ABCA9: variants seen among roughly 807,000 people sequenced by gnomAD.
ABCA9 encodes ATP binding cassette subfamily A member 9.
A neutral mutation model predicts 205.3 loss-of-function variants in ABCA9; 183 were observed. The observed-to-expected ratio is 0.89, with a 90% CI of 0.79 to 1.01. The LOEUF (loss-of-function observed/expected upper bound fraction) is 1.01, where lower values mean the gene tolerates loss of function less well. ABCA9 is among the 50% of genes least tolerant of loss of function. The pLI, the probability that ABCA9 is intolerant of heterozygous loss-of-function variation, is 0.00. For missense variants in ABCA9, 1,805 were observed against 1,912.4 expected, an observed-to-expected ratio of 0.94 and a Z score of 1.05; for synonymous variants, 651 against 683.3, an observed-to-expected ratio of 0.95 and a Z score of 0.74.
chr17:68,998,832 C>CTT lies in ABCA9; in HGVS notation c.3436-2820_3436-2819dup, dbSNP rs139808117. On this transcript the variant is annotated intron_variant, in intron 25 of 38. Transcript: ENST00000340001. ...GTGTGTTTATGTGGATCTAAAATTT[C>CTT]TTTTTTTTTTGTATTCAAGATGTTT... is the stretch of plus-strand genomic sequence containing the variant. Among the ~76,000 whole-genome samples, 594 of 145,524 alleles carry CTT rather than the reference C, an allele frequency of 4.1e-3. 4 individuals carry two copies. The highest frequency in any genetic ancestry group is 0.014 in the African/African-American group (571 of 40,176).
chr17:68,989,535 C>T (rs2069376203), intron 30 of ABCA9, among the ~76,000 whole-genome samples: 1 of 152,166 alleles, frequency 6.6e-6, no homozygotes, highest in Admixed American at 6.5e-5. Context: ...GCTGCAATAA[C>T]ATTGTTACCT....
chr17:68,982,313 T>A (rs1276783919), intron 37 of ABCA9, among the ~76,000 whole-genome samples: 2 of 152,138 alleles, frequency 1.3e-5, no homozygotes, highest in Non-Finnish European at 2.9e-5. Context: ...GTAGTTAGCA[T>A]CATCCCTGGC....
intron 3 of ABCA9, among the ~76,000 whole-genome samples, chr17:69,046,717 T>C (rs2071715494): frequency 6.6e-6 from 1 of 151,406 alleles, no homozygotes; most frequent in South Asian, 2.1e-4. Context: ...TATCACACAC[T>C]CAAGACAAGA....
chr17:68,986,368 C>T lies in ABCA9; in HGVS notation c.4048-44G>A, dbSNP rs751385244. 1.9e-5 allele frequency: 30 copies of T among 1,559,104 alleles called. No individual in the cohort carries two copies. The South Asian group carries it at 2.4e-4, about 13-fold the overall frequency. On this transcript the variant is annotated intron_variant, in intron 31 of 38. Coordinates refer to ENST00000340001, the MANE Select transcript of ABCA9 (RefSeq NM_080283.4). ...TTCTTAGATTCTATCCCAAATGTCA[C>T]GTATATGTATATGCATGTAAGCCGT...
chr17:69,070,721 C>T, the ABCA9 span, among the ~76,000 whole-genome samples: 1 of 152,172 alleles, frequency 6.6e-6, no homozygotes. Flanking sequence ...CCAGTGGCAC[C>T]TGGAACGCCA....
At chr17:68,988,435 T>G (rs1243302217) in intron 31 of ABCA9, among the ~76,000 whole-genome samples, 1 of 152,206 alleles carries the variant, frequency 6.6e-6, no homozygotes, top group African/African-American at 2.4e-5. Flanking sequence ...AGAATTTCAG[T>G]GTATCTGCAA....
At chr17:69,077,622 A>G in the ABCA9 span, among the ~76,000 whole-genome samples, 1 of 152,178 alleles carries the variant, frequency 6.6e-6, no homozygotes, top group Non-Finnish European at 1.5e-5. Context: ...TCCTACTACC[A>G]TTGTTTGGCT....
chr17:69,055,798 G>T (rs554149163), intron 1 of ABCA9, among the ~76,000 whole-genome samples: 119 of 151,972 alleles, frequency 7.8e-4, no homozygotes, highest in Non-Finnish European at 1.7e-3. Flanking sequence ...TAAAGGAATA[G>T]AAATCATACA....
In ABCA9 at chr17:69,027,892, C is replaced by T. The variant is rs1191482967; in HGVS notation, c.1616-77G>A. The T allele has an allele frequency of 2.4e-4, 270 of 1,140,356 alleles. 2 individuals are homozygous for T. In the Admixed American group the frequency reaches 6.3e-3, roughly 26 times the overall value. 70.6% of individuals were successfully genotyped at this position (1,140,356 alleles called of 1,614,324 possible). On this transcript the variant is annotated intron_variant, in intron 12 of 38. Transcript: ENST00000340001. ...TGAAGATCTTTTAAAATGGAAAACA[C>T]TGTATGTCAATTATTAGATTCATTT...
chr17:69,059,493 G>T (rs185164207), intron 1 of ABCA9, among the ~76,000 whole-genome samples: 75 of 152,054 alleles, frequency 4.9e-4, no homozygotes, highest in African/African-American at 1.7e-3. Context: ...AAGAATGCAA[G>T]AAACCTCTAG....
chr17:69,070,744 C>T, the ABCA9 span, among the ~76,000 whole-genome samples: 2 of 152,144 alleles, frequency 1.3e-5, no homozygotes, highest in African/African-American at 2.4e-5. Context: ...GAGACAGAAC[C>T]GTTCACTCCC....
At chr17:69,014,897 G>A (rs1410550800) in intron 22 of ABCA9, among the ~76,000 whole-genome samples, 4 of 152,056 alleles carry the variant, frequency 2.6e-5, no homozygotes, top group Non-Finnish European at 5.9e-5. Flanking sequence ...TGCAACCCTG[G>A]GTGTGTCATC....
chr17:69,029,260 T>C, intron 10 of ABCA9, 33 bp from the exon 11 acceptor site: 1 of 1,363,730 alleles, frequency 7.3e-7, no homozygotes, highest in Non-Finnish European at 1.0e-6. Flanking sequence ...TTCAGAGAAT[T>C]GTAAAAATGT....
At position 69,027,063 on chromosome 17, in the gene ABCA9, G is replaced by A. The variant is rs746024193; in HGVS notation, c.1963C>T (p.Arg655Ter). 9.9e-6 allele frequency: 16 copies of A among 1,613,850 alleles called. No individual in the cohort carries two copies. The highest frequency in any genetic ancestry group is 4.5e-5 in the East Asian group (2 of 44,888). The stretch of plus-strand genomic sequence containing the variant: ...CCCTCTTTCAGGAGATTCCATATTC[G>A]GTGCCTTGAAAGAGGATCCAATCCA... ...TAGLDPLSRH[R>*]IWNLLKEGKS... Residue 655 changes from arginine (R) to a stop codon, truncating the protein, a stop_gained, in exon 15 of 39, where the codon CGA becomes TGA. Coordinates refer to ENST00000340001, the MANE Select transcript of ABCA9 (RefSeq NM_080283.4). LOFTEE classifies it high-confidence loss of function.
Position 69,027,761 on chromosome 17 carries a change from A to C in ABCA9, c.1670T>G (p.Ile557Ser), listed in dbSNP as rs764099833. ...TLSRMADIEN[I>S]SKFTGFCPQS... ...TGGACAAAATCCAGTGAACTTGCTG[A>C]TATTTTCTATATCAGCCATTCTTGA... The change falls in exon 13 of 39, where the codon ATC becomes AGC. Residue 557 changes from isoleucine (I) to serine (S), a missense_variant. By Grantham distance (142) the Ile-to-Ser change is moderately radical. Coordinates refer to ENST00000340001, the MANE Select transcript of ABCA9 (RefSeq NM_080283.4). 1.2e-6 allele frequency: 2 copies of C among 1,612,770 alleles called. No homozygotes were observed. Among genetic ancestry groups the C allele is most frequent in the Admixed American group, 1.7e-5 (1 of 59,924 alleles).
chr17:69,062,641 GCTGGGACTACAGGCAC>G (rs1460035632), upstream of ABCA9, among the ~76,000 whole-genome samples: 1 of 152,002 alleles, frequency 6.6e-6, no homozygotes, highest in African/African-American at 2.4e-5. Flanking sequence ...CTCCACAGTA[GCTGGGACTACAGGCAC>G]CTGCCACCAC....
chr17:69,019,033 C>G (rs538488552), intron 19 of ABCA9, among the ~76,000 whole-genome samples: 4 of 151,974 alleles, frequency 2.6e-5, no homozygotes, highest in Non-Finnish European at 5.9e-5. Flanking sequence ...CATTTTCCAC[C>G]CATTTCTCTC....
At chr17:69,061,051 C>A (rs2072232531), upstream of ABCA9, 9 of 985,390 alleles carry the variant, frequency 9.1e-6, no homozygotes, top group Non-Finnish European at 1.1e-5. Flanking sequence ...AGCTAGCCTG[C>A]CAAAATATCT....
intron 25 of ABCA9, among the ~76,000 whole-genome samples, chr17:69,000,717 C>T (rs2144110366): frequency 6.6e-6 from 1 of 151,492 alleles, no homozygotes; most frequent in African/African-American, 2.4e-5. Context: ...TTACCTTGGG[C>T]AGTATGGCCA....
Sources: gnomAD v4.1 joint callset for allele counts (sites outside exome capture counted in the v4.1 genomes callset) on GRCh38, gnomAD v4.1.1 for gene constraint, MANE v1.5 for transcripts, NCBI Gene and HGNC (gene_info 2026-07-23, HGNC 2026-07-21) for gene names.